PHF21B: variants seen among roughly 807,000 people sequenced by gnomAD.
The protein encoded by PHF21B is PHD finger protein 4.
A neutral mutation model predicts 62.2 loss-of-function variants in PHF21B; 22 were observed. The ratio of observed to expected loss-of-function variants is 0.35; its 90% CI spans 0.25 to 0.51. The LOEUF (loss-of-function observed/expected upper bound fraction) is 0.51. PHF21B is among the 20% of genes least tolerant of loss of function. The pLI, the probability that PHF21B is intolerant of heterozygous loss-of-function variation, is 0.97. For synonymous variants in PHF21B, 341 were observed against 314.7 expected (o/e 1.08, Z -0.88); for missense variants, 701 against 707.9 (o/e 0.99, Z 0.11).
intron 2 of PHF21B, among the ~76,000 whole-genome samples, chr22:44,941,109 G>C (rs1336376816): frequency 6.6e-6 from 1 of 152,136 alleles, no homozygotes. Flanking sequence ...AATGCTGCGC[G>C]TGCTCACAAT....
intron 2 of PHF21B, among the ~76,000 whole-genome samples, chr22:44,990,249 C>T (rs528843393): frequency 2.0e-5 from 3 of 152,372 alleles, no homozygotes; most frequent in Non-Finnish European, 4.4e-5. Flanking sequence ...CTTCAGGCTT[C>T]TCTCCACTGA....
At chr22:44,936,316 C>T (rs1002208792) in intron 2 of PHF21B, among the ~76,000 whole-genome samples, 1 of 152,246 alleles carries the variant, frequency 6.6e-6, no homozygotes, top group Non-Finnish European at 1.5e-5. Flanking sequence ...GTTCTGAAGG[C>T]GGCTCCTTGT....
chr22:44,906,148 A>T (rs1161921588), intron 5 of PHF21B, among the ~76,000 whole-genome samples: 3 of 152,348 alleles, frequency 2.0e-5, no homozygotes, highest in South Asian at 4.1e-4. Context: ...TTAGGGACAC[A>T]GCAACGTTCA....
intron 2 of PHF21B, among the ~76,000 whole-genome samples, chr22:45,004,985 C>T (rs1204017418): frequency 6.6e-6 from 1 of 152,240 alleles, no homozygotes; most frequent in Non-Finnish European, 1.5e-5. Context: ...CCCAACCTGA[C>T]TGTAAAGCTG....
At chr22:44,901,994 G>T (rs189598090) in intron 5 of PHF21B, 2 of 217,030 alleles carry the variant, frequency 9.2e-6, no homozygotes, top group Non-Finnish European at 1.9e-5. Context: ...GGAGAAAATT[G>T]TAAGCCAGCA....
At chr22:44,997,968 C>T (rs1046916425) in intron 2 of PHF21B, among the ~76,000 whole-genome samples, 5 of 152,220 alleles carry the variant, frequency 3.3e-5, no homozygotes, top group African/African-American at 4.8e-5. Flanking sequence ...ACAGCTGGCC[C>T]CTACCCTCAA....
chr22:44,955,296 A>C (rs1330446442), intron 2 of PHF21B, among the ~76,000 whole-genome samples: 1 of 152,202 alleles, frequency 6.6e-6, no homozygotes, highest in Non-Finnish European at 1.5e-5. Context: ...CAGCCTCCTC[A>C]TCTGGGTAAA....
At chr22:44,941,511 G>A (rs1174056621) in intron 2 of PHF21B, among the ~76,000 whole-genome samples, 1 of 152,136 alleles carries the variant, frequency 6.6e-6, no homozygotes, top group Non-Finnish European at 1.5e-5. Flanking sequence ...GGAGGAGGTG[G>A]GTCACAAAGA....
intron 6 of PHF21B, 34 bp from the exon 7 acceptor site, chr22:44,893,567 C>G (rs1331985534): frequency 6.4e-7 from 1 of 1,565,798 alleles, no homozygotes; most frequent in Non-Finnish European, 8.7e-7. Context: ...TTACTGGGTC[C>G]TGCCTGCCCT....
At position 44,943,108 on chromosome 22, in the gene PHF21B, T is replaced by C. The variant is rs893156677; in HGVS notation, c.121-22618A>G. Among the ~76,000 whole-genome samples the C allele has an allele frequency of 5.4e-5, 8 of 148,510 alleles. No individual in the cohort carries two copies. In the South Asian group the frequency reaches 1.7e-3, roughly 32 times the overall value. On this transcript the variant is annotated intron_variant, in intron 2 of 12. Transcript: ENST00000313237. ...CGCCTCTGCCCCCCAAGCCAGCCCC[T>C]CCTGCCCATGATGCCCTCCACGCTG... is the stretch of plus-strand genomic sequence containing the variant.
In PHF21B at chr22:44,920,823, G is replaced by A. The variant is rs536416612; in HGVS notation, c.121-333C>T. On this transcript the variant is annotated intron_variant, in intron 2 of 12. Coordinates refer to ENST00000313237, the MANE Select transcript of PHF21B (RefSeq NM_138415.5). ...TCACTTAAGGACAAGGTGTGATGTC[G>A]CTACGATCTTCATAAATCACTCCTT... Among the ~76,000 whole-genome samples the A allele has an allele frequency of 4.6e-5, 7 of 152,248 alleles. No homozygotes were observed. In the South Asian group the frequency reaches 8.3e-4, roughly 18 times the overall value.
chr22:44,990,050 A>G (rs1163034206), intron 2 of PHF21B, among the ~76,000 whole-genome samples: 1 of 152,188 alleles, frequency 6.6e-6, no homozygotes, highest in African/African-American at 2.4e-5. Context: ...CGCTGCCTCC[A>G]CTTCCACCCA....
chr22:44,892,926 T>C (rs1287834352), intron 7 of PHF21B, among the ~76,000 whole-genome samples: 1 of 152,186 alleles, frequency 6.6e-6, no homozygotes, highest in South Asian at 2.1e-4. Context: ...CCGATTTTGG[T>C]GTAGGCTCTC....
intron 5 of PHF21B, among the ~76,000 whole-genome samples, chr22:44,900,534 C>G (rs751357478): frequency 6.6e-6 from 1 of 152,220 alleles, no homozygotes; most frequent in African/African-American, 2.4e-5. Flanking sequence ...CTCCTGACCT[C>G]AAGTGATCCA....
intron 8 of PHF21B, 95 bp from the exon 9 acceptor site, chr22:44,889,877 C>T: frequency 7.6e-7 from 1 of 1,322,682 alleles, no homozygotes; most frequent in Non-Finnish European, 1.0e-6. Context: ...GGCAAGGGCT[C>T]TTACCCCAGG....
rs140813892 is a variant in PHF21B at position 44,913,927 on chromosome 22, G to A, written c.726C>T (p.Pro242=). 43 of 1,613,656 alleles carry A rather than the reference G, an allele frequency of 2.7e-5. No homozygotes were observed. The highest frequency in any genetic ancestry group is 3.5e-5 in the Non-Finnish European group (41 of 1,179,944). ...IIIQPQVQTQ[P]ESTAESRPPT... is the part of the protein sequence containing the mutation. ...GCGGCCGCGACTCTGCCGTGCTCTCGGGCTGCGTCTGCACTTGAGGCTGAA... is the reference window on the plus strand; with the variant it reads ...GCGGCCGCGACTCTGCCGTGCTCTCAGGCTGCGTCTGCACTTGAGGCTGAA... The change falls in exon 5 of 13, where the codon CCC becomes CCT. Residue 242 remains proline (P), a synonymous_variant. Transcript: ENST00000313237.
intron 3 of PHF21B, among the ~76,000 whole-genome samples, chr22:44,918,615 C>T (rs544092450): frequency 2.6e-5 from 4 of 152,322 alleles, no homozygotes; most frequent in Admixed American, 1.3e-4. Context: ...CTCTGTTGCC[C>T]GTGAGCCACC....
chr22:44,939,648 C>T (rs1197115516), intron 2 of PHF21B, among the ~76,000 whole-genome samples: 5 of 152,154 alleles, frequency 3.3e-5, no homozygotes, highest in Non-Finnish European at 5.9e-5. Flanking sequence ...CGTCCTGTCC[C>T]AGCATCAACG....
rs1398845043 is a variant in PHF21B at position 44,977,775 on chromosome 22, T to TG, written c.120+30769dup. Among the ~76,000 whole-genome samples, 5 of 148,982 alleles carry TG rather than the reference T, an allele frequency of 3.4e-5. No homozygotes were observed. In the East Asian group the frequency reaches 9.8e-4, roughly 29 times the overall value. ...TCATTTTTTTTTTTTTTTGTAGAGA[T>TG]GGAGTTTTACCATGTTGCCCAGGCT... On this transcript the variant is annotated intron_variant, in intron 2 of 12. Transcript: ENST00000313237.
Sources: gnomAD v4.1 joint callset for allele counts (sites outside exome capture counted in the v4.1 genomes callset) on GRCh38, gnomAD v4.1.1 for gene constraint, MANE v1.5 for transcripts, NCBI Gene and HGNC (gene_info 2026-07-23, HGNC 2026-07-21) for gene names.